Variants in SLC38A12 observed in about 807,000 individuals in gnomAD.
SLC38A12 encodes the protein solute carrier family 38 member 12.
At chr17:74,788,665 C>A in the SLC38A12 span, 1 of 713,990 alleles carries the variant, frequency 1.4e-6, no homozygotes, top group Non-Finnish European at 2.3e-6. Flanking sequence ...CTCTAGGGAA[C>A]AGCTCTCAGA....
chr17:74,805,024 G>T, the SLC38A12 span, among the ~76,000 whole-genome samples: 1 of 152,260 alleles, frequency 6.6e-6, no homozygotes, highest in Non-Finnish European at 1.5e-5. This position sits in a 1 kb window ranked among gnomAD's most constrained non-coding sequence, Gnocchi z 5.0. Context: ...CCTGCGCCAG[G>T]CCTGATGCAG....
the SLC38A12 span, chr17:74,836,914 G>C: frequency 3.0e-6 from 4 of 1,355,930 alleles, no homozygotes; most frequent in South Asian, 4.0e-5. This position sits in a 1 kb window ranked among gnomAD's most constrained non-coding sequence, Gnocchi z 4.2. Flanking sequence ...CTTCTGCCTG[G>C]GTGACGCGTG....
chr17:74,795,578 C>T, the SLC38A12 span: 9 of 1,613,990 alleles, frequency 5.6e-6, no homozygotes, highest in Non-Finnish European at 7.6e-6. Flanking sequence ...AATACAATGA[C>T]ACTGACCGGT....
chr17:74,816,776 G>A, the SLC38A12 span, among the ~76,000 whole-genome samples: 1 of 152,054 alleles, frequency 6.6e-6, no homozygotes, highest in Non-Finnish European at 1.5e-5. Context: ...AGCAGAGACT[G>A]AGTTTGAACT....
At chr17:74,796,999 C>T in the SLC38A12 span, among the ~76,000 whole-genome samples, 28 of 152,224 alleles carry the variant, frequency 1.8e-4, no homozygotes, top group African/African-American at 6.3e-4. Flanking sequence ...AGGATTTGAG[C>T]GGCTCGCACA....
the SLC38A12 span, chr17:74,785,639 G>C: frequency 6.2e-7 from 1 of 1,605,210 alleles, no homozygotes. Flanking sequence ...CAGGGGCCAG[G>C]AGTGGAGCAG....
the SLC38A12 span, chr17:74,795,442 T>C: frequency 8.1e-7 from 1 of 1,227,696 alleles, no homozygotes; most frequent in Non-Finnish European, 1.2e-6. Flanking sequence ...CTCAGGCAGC[T>C]GTGCAGGGAG....
At chr17:74,837,253 TG>T in the SLC38A12 span, 3 of 985,648 alleles carry the variant, frequency 3.0e-6, no homozygotes, top group Non-Finnish European at 3.6e-6. Flanking sequence ...AGAGAGGGCC[TG>T]GCTGGCCCCA....
At chr17:74,827,765 A>G in the SLC38A12 span, among the ~76,000 whole-genome samples, 8 of 152,096 alleles carry the variant, frequency 5.3e-5, no homozygotes, top group African/African-American at 1.7e-4. This position sits in a 1 kb window ranked among gnomAD's most constrained non-coding sequence, Gnocchi z 4.7. Context: ...TTCCACCTCC[A>G]GCCTGCAAAT....
the SLC38A12 span, chr17:74,839,278 G>A: frequency 8.6e-7 from 1 of 1,158,420 alleles, no homozygotes; most frequent in Non-Finnish European, 1.2e-6. Context: ...CTCACTACGG[G>A]GCAGGGAGCA....
chr17:74,795,654 C>T, the SLC38A12 span: 12 of 1,590,370 alleles, frequency 7.5e-6, no homozygotes, highest in Non-Finnish European at 1.0e-5. Flanking sequence ...TGCCTCTGTG[C>T]CGCCTGCCCC....
the SLC38A12 span, among the ~76,000 whole-genome samples, chr17:74,783,805 A>G: frequency 7.6e-5 from 10 of 132,380 alleles, 1 homozygote; most frequent in Admixed American, 9.4e-4. Flanking sequence ...ATCTTGGCTC[A>G]CTGCAACCTC....
At chr17:74,835,806 C>T in the SLC38A12 span, 1 of 1,490,568 alleles carries the variant, frequency 6.7e-7, no homozygotes, top group Non-Finnish European at 8.9e-7. Flanking sequence ...GCTGCATGAA[C>T]ATGCATTTAA....
At chr17:74,819,947 G>T in the SLC38A12 span, 10 of 1,066,932 alleles carry the variant, frequency 9.4e-6, no homozygotes, top group South Asian at 2.7e-5. Context: ...CTGGAGTGTG[G>T]TGGTGGTTTC....
At chr17:74,801,235 A>G in the SLC38A12 span, among the ~76,000 whole-genome samples, 5 of 152,358 alleles carry the variant, frequency 3.3e-5, no homozygotes, top group African/African-American at 9.6e-5. Context: ...TGGAGACTCT[A>G]GAAAGGTCGG....
At chr17:74,838,355 G>A in the SLC38A12 span, 1 of 996,508 alleles carries the variant, frequency 1.0e-6, no homozygotes, top group Non-Finnish European at 1.2e-6. Flanking sequence ...CAAGAGCAAG[G>A]AAGACCTGGC....
chr17:74,824,746 G>A, the SLC38A12 span, among the ~76,000 whole-genome samples: 1 of 152,180 alleles, frequency 6.6e-6, no homozygotes, highest in Non-Finnish European at 1.5e-5. Flanking sequence ...TCCCCTCAAA[G>A]TGGGTCAGAC....
At chr17:74,813,444 A>C in the SLC38A12 span, among the ~76,000 whole-genome samples, 9 of 152,146 alleles carry the variant, frequency 5.9e-5, no homozygotes, top group Admixed American at 5.2e-4. Context: ...CCCTCACTTC[A>C]GCCCCTCATT....
chr17:74,829,155 G>A, the SLC38A12 span, among the ~76,000 whole-genome samples: 479 of 151,764 alleles, frequency 3.2e-3, 4 homozygotes, highest in African/African-American at 0.01. The surrounding 1 kb of genome is among the most constrained non-coding windows in gnomAD (Gnocchi z 4.1). Context: ...ACAGAGTCTC[G>A]CTCTGTCACC....
Sources: gnomAD v4.1 joint callset for allele counts (sites outside exome capture counted in the v4.1 genomes callset) on GRCh38, gnomAD v4.1.1 for gene constraint, Gnocchi (gnomAD v3.1) non-coding constraint, MANE v1.5 for transcripts, NCBI Gene and HGNC (gene_info 2026-07-23, HGNC 2026-07-21) for gene names.